The following FAT1 variants were observed in gnomAD, a reference collection of about 807,000 sequenced individuals.
FAT1 encodes FAT atypical cadherin 1, also known as protocadherin Fat 1.
In FAT1, 171 loss-of-function variants were observed where a neutral mutation model predicts 329.8. That is an observed-to-expected ratio of 0.52 (90% confidence interval 0.46 to 0.59). The LOEUF is 0.59. FAT1 is among the 20% of genes least tolerant of loss of function. The probability of loss-of-function intolerance (pLI) is 0.00; values close to 1 mark genes in which losing one functional copy is unlikely to be tolerated. For missense variants in FAT1, 5,672 were observed against 5,774.4 expected, an observed-to-expected ratio of 0.98 and a Z score of 0.57; for synonymous variants, 2,233 against 2,228.6, an observed-to-expected ratio of 1.00 and a Z score of -0.06.
In FAT1 at chr4:186,611,796, G is replaced by T. The variant is rs1373012222; in HGVS notation, c.9464-21C>A. On this transcript the variant is annotated intron_variant, in intron 13 of 26. Coordinates refer to ENST00000441802, the MANE Select transcript of FAT1 (RefSeq NM_005245.4). ...TAATCCTATGAAGACATAAAAACAT[G>T]TCAAAAGATTTTAAATAAAAAAGTT... 4 of 1,499,684 alleles carry T rather than the reference G, an allele frequency of 2.7e-6. No individual in the cohort carries two copies. In the African/African-American group the frequency reaches 4.3e-5, roughly 16 times the overall value. The allele number at this position is 1,499,684 out of a possible 1,614,324, so 92.9% of individuals were successfully genotyped here.
Position 186,602,955 on chromosome 4 carries a change from C to G in FAT1, c.11430G>C (p.Trp3810Cys). 6.2e-7 allele frequency: 1 copy of G among 1,613,966 alleles called. No individual in the cohort carries two copies. The highest frequency in any genetic ancestry group is 8.5e-7 in the Non-Finnish European group (1 of 1,179,874). The part of the protein sequence containing the change: ...PEGSECVSDP[W>C]EEKHTCVCPS... ...GACAGACACAGGTGTGTTTCTCCTC[C>G]CAGGGATCAGACACACATTCGGATC... is the stretch of plus-strand genomic sequence containing the variant. The change falls in exon 20 of 27, where the codon TGG (tryptophan) becomes TGC (cysteine). Residue 3810 changes from tryptophan (W) to cysteine (C), a missense_variant. Transcript: ENST00000441802.
At chr4:186,615,440 A>G (rs1248132607) in intron 11 of FAT1, among the ~76,000 whole-genome samples, 1 of 152,088 alleles carries the variant, frequency 6.6e-6, no homozygotes, top group African/African-American at 2.4e-5. Flanking sequence ...CCTCTTCACA[A>G]TCACATTCCT....
In FAT1 at chr4:186,716,245, AT is replaced by A. The variant is rs564739547; in HGVS notation, c.-18-6401del. On this transcript the variant is annotated intron_variant, in intron 1 of 26. Transcript: ENST00000441802. ...TAAACTTTTCATTTCACATGTTATG[AT>A]AAAAACACAAAATTATTAAGTTGAG... Among the ~76,000 whole-genome samples, 443 of 152,282 alleles carry A rather than the reference AT, an allele frequency of 2.9e-3. 2 individuals are homozygous for A. The highest frequency in any genetic ancestry group is 5.2e-3 in the Admixed American group (80 of 15,296).
Position 186,611,606 on chromosome 4 carries a change from A to C in FAT1, c.9633T>G (p.Thr3211=), listed in dbSNP as rs1159638091. 6.2e-7 allele frequency: 1 copy of C among 1,613,748 alleles called. No individual in the cohort carries two copies. The highest frequency in any genetic ancestry group is 8.5e-7 in the Non-Finnish European group (1 of 1,179,740). The change falls in exon 14 of 27, where the codon ACT becomes ACG. Residue 3211 remains threonine (T), a synonymous_variant. Coordinates refer to ENST00000441802, the MANE Select transcript of FAT1 (RefSeq NM_005245.4). ...AVDQGLPRRL[T]ATGTVIVSVL... is the part of the protein sequence containing the mutation. ...CTGATACAATCACAGTGCCAGTGGC[A>C]GTCAGCCTCCTTGGCAAGCCTTGAT...
At chr4:186,682,482 A>C (rs1743262563) in intron 2 of FAT1, among the ~76,000 whole-genome samples, 1 of 145,382 alleles carries the variant, frequency 6.9e-6, no homozygotes, top group South Asian at 2.3e-4. Flanking sequence ...AGCTAAGATC[A>C]CACCACCGCA....
chr4:186,699,582 A>C (rs1410977014), intron 2 of FAT1, among the ~76,000 whole-genome samples: 2 of 152,216 alleles, frequency 1.3e-5, no homozygotes, highest in Admixed American at 6.5e-5. Context: ...CTTGAACGGC[A>C]ATCTTTCCAA....
At chr4:186,685,119 T>A (rs1010829181) in intron 2 of FAT1, among the ~76,000 whole-genome samples, 1 of 152,190 alleles carries the variant, frequency 6.6e-6, no homozygotes, top group African/African-American at 2.4e-5. Context: ...TTACTTTGAT[T>A]CACCTCACCT....
chr4:186,619,991 T>C lies in FAT1; in HGVS notation c.6595A>G (p.Ser2199Gly), dbSNP rs775137899. Reference protein sequence around the residue: ...AEIAESIQVHSPVVHVQANSP... With the variant: ...AEIAESIQVHGPVVHVQANSP... ...TTAGCCTGCACGTGGACCACAGGGC[T>C]GTGCACCTGGATGCTCTCTGCAATC... Residue 2199 changes from serine to glycine, a missense_variant, in exon 10 of 27, where the codon AGC (serine) becomes GGC (glycine). By Grantham distance (56) the Ser-to-Gly change is moderately conservative. This residue lies in a region of FAT1 where 3,966 missense variants were observed against 3,915.2 expected (regional missense o/e 1.01). Transcript: ENST00000441802. 2 of 1,613,928 alleles carry C rather than the reference T, an allele frequency of 1.2e-6. No homozygotes were observed. The highest frequency in any genetic ancestry group is 2.7e-5 in the African/African-American group (2 of 74,934).
chr4:186,648,559 C>T lies in FAT1; in HGVS notation c.3581-8776G>A, dbSNP rs529505083. Among the ~76,000 whole-genome samples the T allele has an allele frequency of 1.1e-4, 16 of 152,164 alleles. No individual in the cohort carries two copies. The East Asian group carries it at 3.1e-3, about 29-fold the overall frequency. ...ACTGTAAAAATAAAGTTTGCTAAAG[C>T]CAGAGGGTCTTTCACGATGCTCTAG... On this transcript the variant is annotated intron_variant, in intron 3 of 26. Transcript: ENST00000441802.
intron 4 of FAT1, 36 bp downstream of exon 4, chr4:186,639,686 G>A (rs889971047): frequency 2.9e-6 from 4 of 1,356,552 alleles, no homozygotes; most frequent in Admixed American, 1.9e-5. Context: ...TTGTAACTAC[G>A]AATCTTTAAG....
intron 2 of FAT1, among the ~76,000 whole-genome samples, chr4:186,699,430 G>A (rs1744195002): frequency 6.6e-6 from 1 of 152,202 alleles, no homozygotes; most frequent in African/African-American, 2.4e-5. Flanking sequence ...AGATATTCGA[G>A]GAGATATGGT....
rs1268568218 is a variant in FAT1 at position 186,706,710 on chromosome 4, T to C, written c.3118A>G (p.Lys1040Glu). 4 of 1,613,972 alleles carry C rather than the reference T, an allele frequency of 2.5e-6. No homozygotes were observed. In the South Asian group the frequency reaches 4.4e-5, roughly 18 times the overall value. Residue 1040 changes from lysine (K) to glutamate (E), a missense_variant, in exon 2 of 27, where the codon AAG becomes GAG. Lys to Glu is a moderately conservative substitution (Grantham distance 56, BLOSUM62 1). Coordinates refer to ENST00000441802, the MANE Select transcript of FAT1 (RefSeq NM_005245.4). Reference protein sequence around the residue: ...HPPVFSSFVEKGTVKEDAPVG... With the variant: ...HPPVFSSFVEEGTVKEDAPVG... ...GGTGCATCTTCTTTCACTGTCCCCT[T>C]TTCCACAAAGCTGGAAAACACGGGT... is the stretch of plus-strand genomic sequence containing the variant.
rs762086255 is a variant in FAT1, at chr4:186,603,184, A to T, written c.11342T>A (p.Leu3781His). 1 of 1,613,726 alleles carries T rather than the reference A, an allele frequency of 6.2e-7. No individual in the cohort carries two copies. The highest frequency in any genetic ancestry group is 1.1e-5 in the South Asian group (1 of 91,024). Residue 3781 changes from leucine (L) to histidine (H), a missense_variant, in exon 19 of 27, where the codon CTC becomes CAC. Transcript: ENST00000441802. ...ACACTCATGTGCAGTACCTTTGCAG[A>T]GACACACCGCTGCCCTGTGGTGGCG... Reference protein sequence around the residue: ...TPRHHRAAVCLCKEGRCPPVH... With the variant: ...TPRHHRAAVCHCKEGRCPPVH...
Position 186,621,636 on chromosome 4 carries a change from T to G in FAT1, c.4950A>C (p.Ile1650=). 12 of 1,614,042 alleles carry G rather than the reference T, an allele frequency of 7.4e-6. No homozygotes were observed. The highest frequency in any genetic ancestry group is 1.0e-5 in the Non-Finnish European group (12 of 1,179,900). Residue 1650 remains isoleucine, a synonymous_variant, in exon 10 of 27, where the codon ATA becomes ATC. Transcript: ENST00000441802. ...TDKGSPPMSE[I]TSVRIFVTIA... ...TTGTGACAAAGATACGCACAGAAGT[T>G]ATTTCACTCATTGGTGGACTGCCCT...
In FAT1 at chr4:186,628,322, T is replaced by A. The variant is rs1354938845; in HGVS notation, c.4642A>T (p.Ile1548Phe). 2 of 1,613,452 alleles carry A rather than the reference T, an allele frequency of 1.2e-6. No individual in the cohort carries two copies. Among genetic ancestry groups the A allele is most frequent in the Admixed American group, 3.3e-5 (2 of 59,936 alleles). The part of the protein sequence containing the change: ...DVPVKRNFAR[I>F]VVNVSDTNDH... ...TTCGTGTCGCTGACATTGACCACAA[T>A]CCTTGCAAAGTTGCGTTTTACAGGC... The change falls in exon 9 of 27, where the codon ATT (isoleucine) becomes TTT (phenylalanine). Residue 1548 changes from isoleucine to phenylalanine, a missense_variant. Ile to Phe is a conservative substitution (Grantham distance 21). Coordinates refer to ENST00000441802, the MANE Select transcript of FAT1 (RefSeq NM_005245.4).
chr4:186,594,882 A>G (rs897174750), intron 26 of FAT1, among the ~76,000 whole-genome samples: 1 of 151,656 alleles, frequency 6.6e-6, no homozygotes, highest in African/African-American at 2.4e-5. Context: ...AATGTATAAC[A>G]TATTAATATG....
chr4:186,652,178 A>C lies in FAT1; in HGVS notation c.3580+11121T>G, dbSNP rs4276326. ...TTCTTGTTGAAAATTGATGGCATTA[A>C]AACATAAGATCGACAGCAAAACTCA... On this transcript the variant is annotated intron_variant, in intron 3 of 26. Coordinates refer to ENST00000441802, the MANE Select transcript of FAT1 (RefSeq NM_005245.4). Among the ~76,000 whole-genome samples the C allele has an allele frequency of 7.5e-3, 1,135 of 152,294 alleles. 6 individuals carry two copies. The highest frequency in any genetic ancestry group is 0.012 in the Non-Finnish European group (834 of 68,020).
At position 186,634,521 on chromosome 4, in the gene FAT1, C is replaced by T. The variant is rs185069688; in HGVS notation, c.4184-698G>A. ...CCAAGAAACAAAACAACACACACGACGTCTTAAGAGAAACCTAAAACCACG... is the reference window on the plus strand; with the variant it reads ...CCAAGAAACAAAACAACACACACGATGTCTTAAGAGAAACCTAAAACCACG... On this transcript the variant is annotated intron_variant, in intron 6 of 26. Coordinates refer to ENST00000441802, the MANE Select transcript of FAT1 (RefSeq NM_005245.4). Among the ~76,000 whole-genome samples, 49 of 152,048 alleles carry T rather than the reference C, an allele frequency of 3.2e-4. 1 individual carries two copies. The highest frequency in any genetic ancestry group is 1.1e-3 in the African/African-American group (44 of 41,464).
intron 13 of FAT1, among the ~76,000 whole-genome samples, 166 bp downstream of exon 13, chr4:186,612,943 A>G (rs1192890676): frequency 6.6e-6 from 1 of 152,194 alleles, no homozygotes; most frequent in African/African-American, 2.4e-5. Flanking sequence ...TTAAATATTC[A>G]TTAAAAATTA....
Sources: gnomAD v4.1 joint callset for allele counts (sites outside exome capture counted in the v4.1 genomes callset) on GRCh38, gnomAD v4.1.1 for gene constraint, gnomAD v4.1.1 regional missense constraint, MANE v1.5 for transcripts, NCBI Gene and HGNC (gene_info 2026-07-23, HGNC 2026-07-21) for gene names.